The following TANC2 variants were observed in gnomAD, a reference collection of about 807,000 sequenced individuals.
The protein encoded by TANC2 is tetratricopeptide repeat, ankyrin repeat and coiled-coil containing 2, also known as protein TANC2.
A neutral mutation model predicts 210.5 loss-of-function variants in TANC2; 26 were observed. The observed-to-expected ratio is 0.12, with a 90% CI of 0.09 to 0.17. The LOEUF is 0.17. Among genes scored for constraint, TANC2 ranks in the 10% least tolerant of loss-of-function variants. TANC2 has a pLI of 1.00. For missense variants in TANC2, 2,129 were observed against 2,608.9 expected (o/e 0.82, Z 4.01); for synonymous variants, 931 against 967.1 (o/e 0.96, Z 0.69).
At chr17:63,009,694 T>C in intron 2 of TANC2, 68 bp downstream of exon 2, 2 of 1,355,556 alleles carry the variant, frequency 1.5e-6, no homozygotes, top group Non-Finnish European at 2.1e-6. Flanking sequence ...GGGTCCTGAA[T>C]TAATGCTGTA....
chr17:63,345,796 G>A (rs1224540493), intron 12 of TANC2, among the ~76,000 whole-genome samples: 1 of 152,172 alleles, frequency 6.6e-6, no homozygotes, highest in African/African-American at 2.4e-5. Flanking sequence ...TCATGACAGT[G>A]ATATGCTAGT....
intron 8 of TANC2, among the ~76,000 whole-genome samples, chr17:63,252,923 T>C (rs997406069): frequency 4.6e-5 from 7 of 152,284 alleles, no homozygotes; most frequent in African/African-American, 1.7e-4. Context: ...TTGGCTATCC[T>C]GAATAGTGCT....
chr17:63,044,178 A>G (rs2035293109), intron 2 of TANC2, among the ~76,000 whole-genome samples: 1 of 152,156 alleles, frequency 6.6e-6, no homozygotes, highest in South Asian at 2.1e-4. Flanking sequence ...TCTTTGCTGT[A>G]ACTGTATCCT....
At chr17:63,329,003 A>G (rs2045748193) in intron 11 of TANC2, among the ~76,000 whole-genome samples, 1 of 152,084 alleles carries the variant, frequency 6.6e-6, no homozygotes, top group African/African-American at 2.4e-5. Context: ...CCCTTCTCCA[A>G]CATATGACTG....
chr17:63,256,082 T>C (rs954037091), intron 8 of TANC2, among the ~76,000 whole-genome samples: 2 of 151,924 alleles, frequency 1.3e-5, no homozygotes, highest in African/African-American at 4.8e-5. Flanking sequence ...ATTTTTGTAT[T>C]TTTAGTAGAG....
intron 3 of TANC2, among the ~76,000 whole-genome samples, chr17:63,082,203 C>T (rs754263473): frequency 1.7e-4 from 26 of 151,966 alleles, no homozygotes; most frequent in South Asian, 8.3e-4. Flanking sequence ...GTATGAACAT[C>T]TAGAAAGATT....
intron 11 of TANC2, among the ~76,000 whole-genome samples, chr17:63,323,989 T>C (rs773935813): frequency 1.6e-4 from 24 of 152,354 alleles, no homozygotes; most frequent in Middle Eastern, 3.4e-3. Context: ...GCTTCTCTAG[T>C]GTGACAGGAA....
chr17:63,325,864 A>G (rs1175771385), intron 11 of TANC2, among the ~76,000 whole-genome samples: 2 of 152,254 alleles, frequency 1.3e-5, no homozygotes, highest in Admixed American at 6.5e-5. Flanking sequence ...AAAGTTTCAT[A>G]AACTGTAGAT....
At chr17:63,130,003 C>T (rs373249161) in intron 4 of TANC2, among the ~76,000 whole-genome samples, 16 of 151,804 alleles carry the variant, frequency 1.1e-4, no homozygotes, top group Admixed American at 4.6e-4. Context: ...TTCATATATA[C>T]GGTATTTTAC....
In TANC2 at chr17:63,403,607, A is replaced by T. The variant is rs75569792; in HGVS notation, c.3332-1515A>T. Among the ~76,000 whole-genome samples, 1,254 of 152,356 alleles carry T rather than the reference A, an allele frequency of 8.2e-3. 14 individuals carry two copies. The highest frequency in any genetic ancestry group is 0.027 in the African/African-American group (1,136 of 41,584). ...AACACCTGAGCTCACCCACTCAGGG[A>T]TGGAAATGACCCTCACCTCAGATAG... is the stretch of plus-strand genomic sequence containing the variant. On this transcript the variant is annotated intron_variant, in intron 19 of 27. Coordinates refer to ENST00000689528, the Ensembl canonical transcript of TANC2.
intron 5 of TANC2, among the ~76,000 whole-genome samples, chr17:63,169,886 C>G (rs1368383567): frequency 1.3e-5 from 2 of 151,996 alleles, no homozygotes; most frequent in African/African-American, 4.8e-5. Flanking sequence ...AATCCCAGCA[C>G]TTTGGGAGGC....
At chr17:63,164,900 C>T (rs1481730783) in intron 5 of TANC2, among the ~76,000 whole-genome samples, 1 of 152,174 alleles carries the variant, frequency 6.6e-6, no homozygotes, top group Non-Finnish European at 1.5e-5. Context: ...ATGCTAATCT[C>T]CCCTAGAAAC....
intron 5 of TANC2, among the ~76,000 whole-genome samples, chr17:63,175,724 G>A (rs2040557013): frequency 6.6e-6 from 1 of 152,068 alleles, no homozygotes; most frequent in South Asian, 2.1e-4. Context: ...TTTAGAAAAT[G>A]GAAAGTGGAG....
At position 63,420,107 on chromosome 17, in the gene TANC2, GCAGCAGCCA is replaced by G; in HGVS notation, c.4388_4396del (p.Gln1463_Pro1465del). 1.1e-5 allele frequency: 17 copies of G among 1,552,176 alleles called. No homozygotes were observed. The highest frequency in any genetic ancestry group is 1.4e-5 in the Non-Finnish European group (16 of 1,147,242). On this transcript the variant is annotated inframe_deletion, in exon 28 of 28. Coordinates refer to ENST00000689528, the Ensembl canonical transcript of TANC2. The surrounding 1 kb of genome is among the most constrained non-coding windows in gnomAD (Gnocchi z 4.2). ...GAGTGGAAGAAGAGTGTAGACAGAT[GCAGCAGCCA>G]CAGCAGCCACCGCCGCCACCGCAGC... is the stretch of plus-strand genomic sequence containing the variant.
chr17:63,051,623 T>A (rs1051330151), intron 2 of TANC2, among the ~76,000 whole-genome samples: 2 of 152,154 alleles, frequency 1.3e-5, no homozygotes, highest in Admixed American at 6.5e-5. Context: ...GGTTCCTGAC[T>A]TAGGATGGTT....
chr17:63,070,998 A>C (rs565743516), intron 2 of TANC2, among the ~76,000 whole-genome samples: 1 of 152,278 alleles, frequency 6.6e-6, no homozygotes, highest in East Asian at 1.9e-4. Flanking sequence ...TTCCATCTCA[A>C]GTGGTTGATT....
chr17:63,306,371 C>G (rs1383470819), intron 9 of TANC2, among the ~76,000 whole-genome samples: 1 of 152,190 alleles, frequency 6.6e-6, no homozygotes, highest in Non-Finnish European at 1.5e-5. Flanking sequence ...CTTCACTCAT[C>G]TCCTCTACTA....
intron 11 of TANC2, among the ~76,000 whole-genome samples, chr17:63,326,601 G>A (rs572604043): frequency 6.6e-6 from 1 of 152,126 alleles, no homozygotes; most frequent in African/African-American, 2.4e-5. Flanking sequence ...GTAATGACAA[G>A]TGCTTATAGT....
intron 14 of TANC2, among the ~76,000 whole-genome samples, chr17:63,372,655 T>A (rs777994395): frequency 4.6e-5 from 7 of 152,336 alleles, no homozygotes; most frequent in Non-Finnish European, 1.0e-4. Context: ...CAGTATCTTG[T>A]CCTAGGTTAT....
Sources: gnomAD v4.1 joint callset for allele counts (sites outside exome capture counted in the v4.1 genomes callset) on GRCh38, gnomAD v4.1.1 for gene constraint, Gnocchi (gnomAD v3.1) non-coding constraint, MANE v1.5 for transcripts, NCBI Gene and HGNC (gene_info 2026-07-23, HGNC 2026-07-21) for gene names.